Variants in TRHDE observed in about 807,000 individuals in gnomAD.
The protein encoded by TRHDE is thyrotropin releasing hormone degrading enzyme.
Under a neutral mutation model 125.7 loss-of-function variants are expected in TRHDE, and 72 were observed. The observed-to-expected ratio is 0.57, with a 90% CI of 0.47 to 0.70. The LOEUF (loss-of-function observed/expected upper bound fraction) is 0.70, where lower values mean the gene tolerates loss of function less well. TRHDE is among the 30% of genes least tolerant of loss of function. The pLI, the probability that TRHDE is intolerant of heterozygous loss-of-function variation, is 0.00. For synonymous variants in TRHDE, 509 were observed against 509.1 expected (o/e 1.00, Z 0.00); for missense variants, 1,110 against 1,327.1 (o/e 0.84, Z 2.54).
intron 7 of TRHDE, among the ~76,000 whole-genome samples, chr12:72,553,441 C>T (rs1330138599): frequency 6.6e-6 from 1 of 152,124 alleles, no homozygotes; most frequent in African/African-American, 2.4e-5. Flanking sequence ...AAATAACCCA[C>T]CATTAATAAT....
At chr12:72,542,239 CA>C in intron 6 of TRHDE, 51 bp from the exon 7 acceptor site, 2 of 1,397,352 alleles carry the variant, frequency 1.4e-6, no homozygotes, top group Non-Finnish European at 2.0e-6. Flanking sequence ...AACAACTTTA[CA>C]ATCATGATAC....
chr12:72,450,410 T>C (rs1160398170), intron 3 of TRHDE, among the ~76,000 whole-genome samples: 2 of 152,022 alleles, frequency 1.3e-5, no homozygotes, highest in Non-Finnish European at 2.9e-5. Flanking sequence ...TAATTAACCA[T>C]TATAATTGAT....
intron 3 of TRHDE, among the ~76,000 whole-genome samples, chr12:72,423,150 A>G (rs1167943309): frequency 6.6e-6 from 1 of 152,204 alleles, no homozygotes; most frequent in East Asian, 1.9e-4. Context: ...ATCACAATGT[A>G]CATGATCCCT....
intron 2 of TRHDE, among the ~76,000 whole-genome samples, chr12:72,374,687 A>G (rs1440484546): frequency 6.6e-6 from 1 of 152,200 alleles, no homozygotes; most frequent in African/African-American, 2.4e-5. Flanking sequence ...TGATCGATCA[A>G]CTGTGCAAAT....
intron 2 of TRHDE, among the ~76,000 whole-genome samples, chr12:72,293,732 T>G (rs1880178295): frequency 6.6e-6 from 1 of 151,996 alleles, no homozygotes; most frequent in Admixed American, 6.6e-5. Context: ...ATGTTTGGGG[T>G]GTCGTTTTTC....
chr12:72,436,503 A>T (rs1473058660), intron 3 of TRHDE, among the ~76,000 whole-genome samples: 1 of 151,970 alleles, frequency 6.6e-6, no homozygotes, highest in Non-Finnish European at 1.5e-5. Flanking sequence ...ATTTTGAAGG[A>T]CTACAAAGTA....
At chr12:72,469,180 C>A (rs1001081120) in intron 3 of TRHDE, among the ~76,000 whole-genome samples, 9 of 152,154 alleles carry the variant, frequency 5.9e-5, no homozygotes, top group Non-Finnish European at 1.2e-4. Context: ...AGACCAGAGC[C>A]TGTGGGTCCC....
chr12:72,393,843 A>C (rs1216591072), intron 3 of TRHDE, among the ~76,000 whole-genome samples: 3 of 152,182 alleles, frequency 2.0e-5, no homozygotes. Context: ...GAATTTCATG[A>C]AAATATTAAA....
At chr12:72,381,034 T>A (rs908751604) in intron 3 of TRHDE, among the ~76,000 whole-genome samples, 3 of 152,170 alleles carry the variant, frequency 2.0e-5, no homozygotes, top group African/African-American at 7.2e-5. Context: ...TGATTCCCAA[T>A]TGGGGGACAA....
intron 3 of TRHDE, among the ~76,000 whole-genome samples, chr12:72,464,996 C>T (rs1419026598): frequency 6.6e-6 from 1 of 152,062 alleles, no homozygotes; most frequent in Non-Finnish European, 1.5e-5. Flanking sequence ...ATAATTTTAT[C>T]AAGCATTTTC....
At chr12:72,127,406 A>G (rs1875741825) in intron 2 of TRHDE, among the ~76,000 whole-genome samples, 1 of 152,248 alleles carries the variant, frequency 6.6e-6, no homozygotes, top group African/African-American at 2.4e-5. Flanking sequence ...TTGCAGCACA[A>G]TTCACAATAG....
chr12:72,638,572 A>G (rs1370519966), intron 15 of TRHDE, among the ~76,000 whole-genome samples: 9 of 151,414 alleles, frequency 5.9e-5, no homozygotes, highest in South Asian at 4.2e-4. Flanking sequence ...GATTTTGCTT[A>G]TTAGTTGATG....
chr12:72,099,632 A>G (rs1398348224), intron 1 of TRHDE, among the ~76,000 whole-genome samples: 1 of 152,178 alleles, frequency 6.6e-6, no homozygotes, highest in Non-Finnish European at 1.5e-5. Context: ...TTTTAGTGAT[A>G]ATTGGCAAAG....
intron 12 of TRHDE, among the ~76,000 whole-genome samples, chr12:72,591,690 TAA>T (rs1465404462): frequency 7.2e-6 from 1 of 138,454 alleles, no homozygotes; most frequent in African/African-American, 2.9e-5. Flanking sequence ...AAAAATTCTC[TAA>T]GAGTTTTCTT....
chr12:72,324,857 G>C (rs1162781777), intron 2 of TRHDE, among the ~76,000 whole-genome samples: 2 of 152,048 alleles, frequency 1.3e-5, no homozygotes, highest in East Asian at 3.9e-4. Context: ...CTCCTTAATG[G>C]ATAACTATAC....
chr12:72,146,367 T>C (rs916400093), intron 2 of TRHDE, among the ~76,000 whole-genome samples: 2 of 152,214 alleles, frequency 1.3e-5, no homozygotes, highest in Non-Finnish European at 2.9e-5. Context: ...CAGTCTCACC[T>C]CTTATTTTTA....
intron 2 of TRHDE, among the ~76,000 whole-genome samples, chr12:72,302,143 G>A (rs534143254): frequency 1.3e-5 from 2 of 152,100 alleles, no homozygotes; most frequent in Admixed American, 1.3e-4. Context: ...GTTTGTGGAA[G>A]AATTGCTTCC....
chr12:72,352,705 C>G (rs1009542931), intron 2 of TRHDE, among the ~76,000 whole-genome samples: 3 of 151,724 alleles, frequency 2.0e-5, no homozygotes, highest in African/African-American at 7.2e-5. Flanking sequence ...AACACTGATT[C>G]TTATCAAATG....
chr12:72,240,956 T>C (rs1878466339), intron 2 of TRHDE, among the ~76,000 whole-genome samples: 1 of 152,104 alleles, frequency 6.6e-6, no homozygotes, highest in Non-Finnish European at 1.5e-5. Context: ...ATTTAGCCAT[T>C]GTCTCAATTT....
Sources: allele counts gnomAD v4.1 joint callset (sites outside exome capture counted in the v4.1 genomes callset), GRCh38; gene constraint gnomAD v4.1.1; transcripts MANE v1.5; gene names NCBI Gene and HGNC (gene_info 2026-07-23, HGNC 2026-07-21).